The following IGF1R variants were observed in gnomAD, a reference collection of about 807,000 sequenced individuals.
IGF1R encodes insulin-like growth factor 1 receptor.
In IGF1R, 44 loss-of-function variants were observed where a neutral mutation model predicts 144.6. The observed-to-expected ratio is 0.30, with a 90% confidence interval of 0.24 to 0.39. The LOEUF is 0.39. Ranked by LOEUF, IGF1R falls within the 10% of genes least tolerant of loss-of-function variation. The probability of loss-of-function intolerance (pLI) is 1.00; values close to 1 mark genes in which losing one functional copy is unlikely to be tolerated. For synonymous variants in IGF1R, 795 were observed against 722.8 expected (o/e 1.10, Z -1.60); for missense variants, 1,355 against 1,833.7 (o/e 0.74, Z 4.77).
chr15:98,876,271 C>T, intron 2 of IGF1R, among the ~76,000 whole-genome samples: 1 of 150,004 alleles, frequency 6.7e-6, no homozygotes, highest in African/African-American at 2.4e-5. Context: ...CATTTGAACC[C>T]AATTTTACCT....
At chr15:98,827,644 G>A (rs889119760) in intron 2 of IGF1R, among the ~76,000 whole-genome samples, 3 of 152,160 alleles carry the variant, frequency 2.0e-5, no homozygotes, top group Admixed American at 6.5e-5. Flanking sequence ...GTGCAGTGGC[G>A]CAATCTCAGC....
intron 1 of IGF1R, among the ~76,000 whole-genome samples, chr15:98,698,279 C>T (rs545018834): frequency 3.9e-5 from 6 of 152,252 alleles, no homozygotes; most frequent in East Asian, 1.9e-4. Flanking sequence ...CCTCGTGATC[C>T]GCCTGCCTCG....
chr15:98,891,849 T>G lies in IGF1R; in HGVS notation c.953+212T>G, dbSNP rs531199191. 1.3e-5 allele frequency among the ~76,000 whole-genome samples: 2 copies of G among 152,320 alleles called. No homozygotes were observed. The highest frequency in any genetic ancestry group is 4.8e-5 in the African/African-American group (2 of 41,576). ...TTACCGCCCCCCTCACCAGTTTGTTTTATATTTTAAGTGCATACTGCCTGG... is the reference window on the plus strand; with the variant it reads ...TTACCGCCCCCCTCACCAGTTTGTTGTATATTTTAAGTGCATACTGCCTGG... On this transcript the variant is annotated intron_variant, in intron 3 of 20. Coordinates refer to ENST00000650285, the MANE Select transcript of IGF1R (RefSeq NM_000875.5). The surrounding 1 kb of genome is among the most constrained non-coding windows in gnomAD (Gnocchi z 4.7).
At chr15:98,781,276 G>T (rs2055855356) in intron 2 of IGF1R, among the ~76,000 whole-genome samples, 1 of 152,170 alleles carries the variant, frequency 6.6e-6, no homozygotes, top group South Asian at 2.1e-4. Context: ...TAAAATGATT[G>T]TAGAGTTTGT....
Position 98,698,024 on chromosome 15 carries a change from C to T in IGF1R, c.95-9538C>T, listed in dbSNP as rs569196794. 8.2e-5 allele frequency among the ~76,000 whole-genome samples: 12 copies of T among 146,798 alleles called. 2 individuals carry two copies. Among genetic ancestry groups the T allele is most frequent in the African/African-American group, 2.5e-4 (10 of 39,494 alleles). On this transcript the variant is annotated intron_variant, in intron 1 of 20. Coordinates refer to ENST00000650285, the MANE Select transcript of IGF1R (RefSeq NM_000875.5). ...TGCTGAGATTACAGGCGTGAGCCGC[C>T]GCGCCTGGCCTTCCTTTTTTTTTTT...
rs1003607810 is a variant in IGF1R, at chr15:98,812,497, C to G, written c.641-78828C>G. 1.6e-4 allele frequency among the ~76,000 whole-genome samples: 24 copies of G among 152,000 alleles called. 1 individual carries two copies. The highest frequency in any genetic ancestry group is 1.1e-3 in the Admixed American group (17 of 15,252). On this transcript the variant is annotated intron_variant, in intron 2 of 20. Transcript: ENST00000650285. ...TCAGCCTCCCCAGTAGCTGGGATTACAGACGCCTGCCACCATGCCCGGCTA... is the reference window on the plus strand; with the variant it reads ...TCAGCCTCCCCAGTAGCTGGGATTAGAGACGCCTGCCACCATGCCCGGCTA...
At chr15:98,687,910 C>T (rs1204998945) in intron 1 of IGF1R, among the ~76,000 whole-genome samples, 1 of 152,204 alleles carries the variant, frequency 6.6e-6, no homozygotes, top group African/African-American at 2.4e-5. Flanking sequence ...AAGCAGGGCT[C>T]CTCATGATTG....
At chr15:98,720,816 T>C (rs928565826) in intron 2 of IGF1R, among the ~76,000 whole-genome samples, 1 of 152,152 alleles carries the variant, frequency 6.6e-6, no homozygotes, top group Non-Finnish European at 1.5e-5. Flanking sequence ...TTATGTGGAA[T>C]GAATTTAAAT....
At chr15:98,857,339 T>C (rs373241037) in intron 2 of IGF1R, among the ~76,000 whole-genome samples, 1 of 152,202 alleles carries the variant, frequency 6.6e-6, no homozygotes, top group Non-Finnish European at 1.5e-5. Flanking sequence ...CTGCCTCAGC[T>C]TCCTGAGTAT....
Position 98,649,045 on chromosome 15 carries a change from GA to G in IGF1R, c.-536del. On this transcript the variant is annotated 5_prime_UTR_variant, in exon 1 of 21. Transcript: ENST00000650285. ...CGAGCGGAGCCAGGAGGAGGAGGAG[GA>G]GGGGGAGCCGCTCATTCATTTTGAC... is the stretch of plus-strand genomic sequence containing the variant. The G allele has an allele frequency of 4.4e-6, 1 of 225,296 alleles. No individual in the cohort carries two copies. Among genetic ancestry groups the G allele is most frequent in the Non-Finnish European group, 8.8e-6 (1 of 113,218 alleles). 14.0% of individuals were successfully genotyped at this position (225,296 alleles called of 1,614,324 possible).
intron 2 of IGF1R, among the ~76,000 whole-genome samples, chr15:98,854,887 G>A (rs1474860779): frequency 2.0e-5 from 3 of 151,924 alleles, no homozygotes; most frequent in Non-Finnish European, 2.9e-5. Flanking sequence ...GGTTCTACAC[G>A]GTCTGACTTT....
At chr15:98,853,400 C>G (rs1266029669) in intron 2 of IGF1R, among the ~76,000 whole-genome samples, 2 of 152,176 alleles carry the variant, frequency 1.3e-5, no homozygotes, top group African/African-American at 4.8e-5. Context: ...CCCGGAGCAG[C>G]TCCAGTGTCT....
At chr15:98,939,417 T>C (rs377157013) in intron 18 of IGF1R, 57 bp downstream of exon 18, 169 of 1,556,776 alleles carry the variant, frequency 1.1e-4, no homozygotes, top group Admixed American at 2.7e-4. Context: ...TTTTGAGGAC[T>C]TTGTTGGCAT....
At position 98,649,102 on chromosome 15, in the gene IGF1R, T is replaced by C; in HGVS notation, c.-480T>C. 1 of 217,298 alleles carries C rather than the reference T, an allele frequency of 4.6e-6. No individual in the cohort carries two copies. Among genetic ancestry groups the C allele is most frequent in the East Asian group, 6.4e-5 (1 of 15,538 alleles). 13.5% of individuals were successfully genotyped at this position (217,298 alleles called of 1,614,324 possible). A position where few individuals can be genotyped will look rare whatever the true frequency, so the allele number is the denominator to read the frequency against. ...GTTTCTGCCCCTCGCCGGCCTCGCC[T>C]GTGACCCGGACTTCGGGGCGATCTT... On this transcript the variant is annotated 5_prime_UTR_variant, in exon 1 of 21. Transcript: ENST00000650285.
At chr15:98,879,276 A>G (rs946012689) in intron 2 of IGF1R, among the ~76,000 whole-genome samples, 1 of 152,238 alleles carries the variant, frequency 6.6e-6, no homozygotes, top group African/African-American at 2.4e-5. Context: ...TTAAAAGAAT[A>G]TTTTATAAAA....
At chr15:98,855,708 T>C (rs374769662) in intron 2 of IGF1R, among the ~76,000 whole-genome samples, 5 of 152,202 alleles carry the variant, frequency 3.3e-5, no homozygotes, top group African/African-American at 4.8e-5. Flanking sequence ...TGAATGCTTA[T>C]AGGTCAGACT....
chr15:98,799,806 C>G (rs990956973), intron 2 of IGF1R, among the ~76,000 whole-genome samples: 1 of 151,554 alleles, frequency 6.6e-6, no homozygotes, highest in African/African-American at 2.4e-5. Flanking sequence ...TCCCCTCCAC[C>G]TGCCCCCCTT....
In IGF1R at chr15:98,648,913, C is replaced by T. The variant is rs2052263350; in HGVS notation, c.-669C>T. On this transcript the variant is annotated 5_prime_UTR_variant, in exon 1 of 21. Coordinates refer to ENST00000650285, the MANE Select transcript of IGF1R (RefSeq NM_000875.5). Reference sequence around the variant, plus strand: ...GGCGGCGGCGCAGAGCCGGGCGGCGCGGCGGGAGTGCTGAGCGCGGCGCGG... The same window carrying T: ...GGCGGCGGCGCAGAGCCGGGCGGCGTGGCGGGAGTGCTGAGCGCGGCGCGG... 3.1e-5 allele frequency: 5 copies of T among 162,118 alleles called. No individual in the cohort carries two copies. The East Asian group carries it at 5.7e-4, about 18-fold the overall frequency. The allele number at this position is 162,118 out of a possible 1,614,324, so 10.0% of individuals were successfully genotyped here.
intron 2 of IGF1R, among the ~76,000 whole-genome samples, chr15:98,838,568 C>G (rs961880770): frequency 2.6e-5 from 4 of 152,204 alleles, no homozygotes; most frequent in Non-Finnish European, 5.9e-5. Flanking sequence ...GAGCACATGA[C>G]CTTTTCATGC....
Sources: allele counts gnomAD v4.1 joint callset (sites outside exome capture counted in the v4.1 genomes callset), GRCh38; gene constraint gnomAD v4.1.1; non-coding constraint Gnocchi (gnomAD v3.1); transcripts MANE v1.5; gene names NCBI Gene and HGNC (gene_info 2026-07-23, HGNC 2026-07-21).